AAMP: variants seen among roughly 807,000 people sequenced by gnomAD.
AAMP encodes the protein angio-associated migratory cell protein.
A neutral mutation model predicts 51.1 loss-of-function variants in AAMP; 12 were observed. The observed-to-expected ratio is 0.23, with a 90% CI of 0.15 to 0.38. The LOEUF (loss-of-function observed/expected upper bound fraction) is 0.38. AAMP is among the 10% of genes least tolerant of loss of function. AAMP has a pLI of 1.00. For synonymous variants in AAMP, 210 were observed against 218.7 expected (o/e 0.96, Z 0.35); for missense variants, 418 against 557.2 (o/e 0.75, Z 2.52).
In AAMP at chr2:218,269,530, G is replaced by T. The variant is rs775442037; in HGVS notation, c.126C>A (p.Asp42Glu). 6.2e-7 allele frequency: 1 copy of T among 1,614,148 alleles called. No homozygotes were observed. Reference sequence around the variant, plus strand: ...CCACATCTTCCATCTCCTGGGCCAGGTCATCTGCTTTGGGGAGAGGGTTAG... The same window carrying T: ...CCACATCTTCCATCTCCTGGGCCAGTTCATCTGCTTTGGGGAGAGGGTTAG... Reference protein sequence around the residue: ...ELDPGPPDPDDLAQEMEDVDF... With the variant: ...ELDPGPPDPDELAQEMEDVDF... Residue 42 changes from aspartate (D) to glutamate (E), a missense_variant, in exon 2 of 11, where the codon GAC becomes GAA. Physicochemically the swap from Asp to Glu is conservative, Grantham distance 45 (BLOSUM62 2). Transcript: ENST00000248450.
At position 218,265,206 on chromosome 2, in the gene AAMP, G is replaced by A. The variant is rs1246136724; in HGVS notation, c.1075-32C>T. ...CGAGGAATGACAGAGGCAGGGCGGA[G>A]GTTGGCAGGAGAGCTGAGAGCCATC... On this transcript the variant is annotated intron_variant, in intron 9 of 10. Transcript: ENST00000248450. This position sits in a 1 kb window ranked among gnomAD's most constrained non-coding sequence, Gnocchi z 6.6. The A allele has an allele frequency of 6.4e-7, 1 of 1,570,012 alleles. No individual in the cohort carries two copies. The highest frequency in any genetic ancestry group is 1.8e-5 in the Admixed American group (1 of 56,218).
chr2:218,269,763 G>A (rs1574613509), intron 1 of AAMP: 2 of 1,004,268 alleles, frequency 2.0e-6, no homozygotes, highest in Non-Finnish European at 2.9e-6. Context: ...GGTGTGTGAG[G>A]GGAAGGGCCA....
chr2:218,266,999 G>T lies in AAMP; in HGVS notation c.395-13C>A. 1 of 1,611,736 alleles carries T rather than the reference G, an allele frequency of 6.2e-7. No individual in the cohort carries two copies. Among genetic ancestry groups the T allele is most frequent in the Non-Finnish European group, 8.5e-7 (1 of 1,178,032 alleles). ...GAGTCTTTATGGCCTTCAAAGAAAA[G>T]TGGGCAGAAAACAGAGGAAAAAAAT... On this transcript the variant is annotated splice_polypyrimidine_tract_variant and intron_variant, in intron 3 of 10. Transcript: ENST00000248450. This position sits in a 1 kb window ranked among gnomAD's most constrained non-coding sequence, Gnocchi z 4.7.
At chr2:218,268,827 G>A (rs1690704942) in intron 2 of AAMP, among the ~76,000 whole-genome samples, 2 of 151,232 alleles carry the variant, frequency 1.3e-5, no homozygotes, top group African/African-American at 2.4e-5. Flanking sequence ...ACCTCCCGAG[G>A]AGCTGGGACT....
intron 2 of AAMP, among the ~76,000 whole-genome samples, chr2:218,268,076 C>A (rs1295619342): frequency 3.9e-5 from 6 of 151,958 alleles, no homozygotes; most frequent in Non-Finnish European, 5.9e-5. Context: ...TCAAGCAATT[C>A]TCCTGCCTCA....
chr2:218,269,021 C>G (rs144728691), intron 2 of AAMP, among the ~76,000 whole-genome samples: 1 of 151,524 alleles, frequency 6.6e-6, no homozygotes, highest in Non-Finnish European at 1.5e-5. Context: ...TTAGTAGAGA[C>G]TGGGTTTTGC....
At position 218,265,691 on chromosome 2, in the gene AAMP, C is replaced by T; in HGVS notation, c.880-9G>A. On this transcript the variant is annotated splice_polypyrimidine_tract_variant and intron_variant, in intron 7 of 10. Transcript: ENST00000248450. This position sits in a 1 kb window ranked among gnomAD's most constrained non-coding sequence, Gnocchi z 6.6. ...CTAAAAACACCCACCACCTGAAAGCCAGAGAGGATCAGAGGAGGACACGGA... is the reference window on the plus strand; with the variant it reads ...CTAAAAACACCCACCACCTGAAAGCTAGAGAGGATCAGAGGAGGACACGGA... 1 of 1,610,580 alleles carries T rather than the reference C, an allele frequency of 6.2e-7. No individual in the cohort carries two copies. Among genetic ancestry groups the T allele is most frequent in the Non-Finnish European group, 8.5e-7 (1 of 1,178,630 alleles).
chr2:218,267,445 C>A lies in AAMP; in HGVS notation c.394+49G>T, dbSNP rs775923406. On this transcript the variant is annotated intron_variant, in intron 3 of 10. Coordinates refer to ENST00000248450, the MANE Select transcript of AAMP (RefSeq NM_001087.5). The surrounding 1 kb of genome is among the most constrained non-coding windows in gnomAD (Gnocchi z 4.6). ...CCTCTGCAGGTCAGCCTCCTAAGAT[C>A]TCCCAAAAGAATATGACCTCTCCCA... 5.0e-6 allele frequency: 8 copies of A among 1,605,350 alleles called. No individual in the cohort carries two copies. In the Admixed American group the frequency reaches 1.3e-4, roughly 27 times the overall value.
rs948836330 is a variant in AAMP, at chr2:218,265,052, G to A, written c.1197C>T (p.His399=). 3.1e-6 allele frequency: 5 copies of A among 1,613,922 alleles called. No individual in the cohort carries two copies. The East Asian group carries it at 8.9e-5, about 29-fold the overall frequency. Residue 399 remains histidine (H), a synonymous_variant, in exon 10 of 11, where the codon CAC becomes CAT. Transcript: ENST00000248450. The surrounding 1 kb of genome is among the most constrained non-coding windows in gnomAD (Gnocchi z 6.6). ...GGGCAAAGTCCAGGATCTCAGCCGTGTGGCCCCGGTAGTCAGTAAGCAGGC... is the reference window on the plus strand; with the variant it reads ...GGGCAAAGTCCAGGATCTCAGCCGTATGGCCCCGGTAGTCAGTAAGCAGGC... ...TGRLLTDYRG[H]TAEILDFALS...
At position 218,267,383 on chromosome 2, in the gene AAMP, CAA is replaced by C. The variant is rs1405190452; in HGVS notation, c.394+109_394+110del. 1.3e-6 allele frequency: 2 copies of C among 1,500,622 alleles called. No homozygotes were observed. The highest frequency in any genetic ancestry group is 2.3e-5 in the East Asian group (1 of 44,036). 93.0% of individuals were successfully genotyped at this position (1,500,622 alleles called of 1,614,324 possible). A position where few individuals can be genotyped will look rare whatever the true frequency, so the allele number is the denominator to read the frequency against. On this transcript the variant is annotated intron_variant, in intron 3 of 10. Transcript: ENST00000248450. This position sits in a 1 kb window ranked among gnomAD's most constrained non-coding sequence, Gnocchi z 4.6. ...CCTGGGGCCCAGCACAGAGCTGGCA[CAA>C]AAGAGATGTCACTAAGTGGCTGTTG... is the stretch of plus-strand genomic sequence containing the variant.
Position 218,265,482 on chromosome 2 carries a change from T to G in AAMP, c.984-21A>C. On this transcript the variant is annotated intron_variant, in intron 8 of 10. Coordinates refer to ENST00000248450, the MANE Select transcript of AAMP (RefSeq NM_001087.5). This position sits in a 1 kb window ranked among gnomAD's most constrained non-coding sequence, Gnocchi z 6.6. ...GCATCCTGGCCAGAGGAGCGTACCA[T>G]GAAGACTCATGAGGGCCTGGACTCA... 5 of 1,575,216 alleles carry G rather than the reference T, an allele frequency of 3.2e-6. No homozygotes were observed. Among genetic ancestry groups the G allele is most frequent in the Non-Finnish European group, 4.3e-6 (5 of 1,153,966 alleles).
At position 218,267,274 on chromosome 2, in the gene AAMP, C is replaced by A. The variant is rs1690657288; in HGVS notation, c.394+220G>T. The A allele has an allele frequency of 8.3e-6, 6 of 720,556 alleles. No individual in the cohort carries two copies. Among genetic ancestry groups the A allele is most frequent in the Non-Finnish European group, 1.4e-5 (6 of 442,790 alleles). 44.6% of individuals were successfully genotyped at this position (720,556 alleles called of 1,614,324 possible). On this transcript the variant is annotated intron_variant, in intron 3 of 10. Transcript: ENST00000248450. The surrounding 1 kb of genome is among the most constrained non-coding windows in gnomAD (Gnocchi z 4.6). ...CCGCCTGCTCCTATACCAATGTGGC[C>A]TTCTCTGGCCTTTCCTGGATTCCCT...
rs751386015 is a variant in AAMP, at chr2:218,265,771, A to C, written c.879+60T>G. On this transcript the variant is annotated intron_variant, in intron 7 of 10. Transcript: ENST00000248450. The surrounding 1 kb of genome is among the most constrained non-coding windows in gnomAD (Gnocchi z 6.6). ...TGGGGAGAGGAGACAGTGAAGACCC[A>C]GGAAGGAAGGAGAGGAGTCGGGAAA... 650 of 1,575,636 alleles carry C rather than the reference A, an allele frequency of 4.1e-4. No individual in the cohort carries two copies. Among genetic ancestry groups the C allele is most frequent in the Non-Finnish European group, 5.4e-4 (622 of 1,149,046 alleles).
Position 218,264,488 on chromosome 2 carries a change from C to G in AAMP, c.*45G>C. ...CTGCTGGCAGACAGGGGCAGGGGTC[C>G]CTTCGTCCCCTCAACACCAGACACA... On this transcript the variant is annotated 3_prime_UTR_variant, in exon 11 of 11. Coordinates refer to ENST00000248450, the MANE Select transcript of AAMP (RefSeq NM_001087.5). 5 of 1,576,416 alleles carry G rather than the reference C, an allele frequency of 3.2e-6. No individual in the cohort carries two copies. Among genetic ancestry groups the G allele is most frequent in the East Asian group, 2.2e-5 (1 of 44,654 alleles).
intron 1 of AAMP, 47 bp downstream of exon 1, chr2:218,269,919 G>T (rs762351053): frequency 6.2e-7 from 1 of 1,612,692 alleles, no homozygotes; most frequent in African/African-American, 1.3e-5. Flanking sequence ...TCAGAGGCCA[G>T]GGGTGAGCGT....
Position 218,266,415 on chromosome 2 carries a change from AAAGGTCACTC to A in AAMP, c.679+18_679+27del. On this transcript the variant is annotated intron_variant, in intron 5 of 10. Coordinates refer to ENST00000248450, the MANE Select transcript of AAMP (RefSeq NM_001087.5). The surrounding 1 kb of genome is among the most constrained non-coding windows in gnomAD (Gnocchi z 4.7). ...CCGGGATTCGGCCTCTGCACCCAGG[AAAGGTCACTC>A]AAGGGAGGTGCTCTCACCATCAGGG... The A allele has an allele frequency of 6.2e-7, 1 of 1,608,786 alleles. No homozygotes were observed. Among genetic ancestry groups the A allele is most frequent in the Non-Finnish European group, 8.5e-7 (1 of 1,176,158 alleles).
chr2:218,265,730 A>T lies in AAMP; in HGVS notation c.880-48T>A, dbSNP rs1291191010. ...GGAGGACACGGAATCCGGGTGCTTG[A>T]TGGAGAGAAAGACGGTGGGGAGAGG... On this transcript the variant is annotated intron_variant, in intron 7 of 10. Coordinates refer to ENST00000248450, the MANE Select transcript of AAMP (RefSeq NM_001087.5). This position sits in a 1 kb window ranked among gnomAD's most constrained non-coding sequence, Gnocchi z 6.6. 4 of 1,592,090 alleles carry T rather than the reference A, an allele frequency of 2.5e-6. No individual in the cohort carries two copies. The African/African-American group carries it at 5.4e-5, about 21-fold the overall frequency.
rs1690566620 is a variant in AAMP at position 218,264,395 on chromosome 2, A to T, written c.*138T>A. 1 of 805,864 alleles carries T rather than the reference A, an allele frequency of 1.2e-6. No individual in the cohort carries two copies. Among genetic ancestry groups the T allele is most frequent in the African/African-American group, 1.7e-5 (1 of 58,746 alleles). The allele number at this position is 805,864 out of a possible 1,614,324, so 49.9% of individuals were successfully genotyped here. ...AAGAGAAGAAAAGGAGAGGGGAGCA[A>T]GTCAGTTGAAGAGGCTGGAAAGTCA... On this transcript the variant is annotated 3_prime_UTR_variant, in exon 11 of 11. Transcript: ENST00000248450.
At position 218,265,480 on chromosome 2, in the gene AAMP, C is replaced by T. The variant is rs777653771; in HGVS notation, c.984-19G>A. On this transcript the variant is annotated intron_variant, in intron 8 of 10. Coordinates refer to ENST00000248450, the MANE Select transcript of AAMP (RefSeq NM_001087.5). The surrounding 1 kb of genome is among the most constrained non-coding windows in gnomAD (Gnocchi z 6.6). ...GGGCATCCTGGCCAGAGGAGCGTAC[C>T]ATGAAGACTCATGAGGGCCTGGACT... is the stretch of plus-strand genomic sequence containing the variant. 55 of 1,571,336 alleles carry T rather than the reference C, an allele frequency of 3.5e-5. No homozygotes were observed. Among genetic ancestry groups the T allele is most frequent in the Non-Finnish European group, 4.6e-5 (53 of 1,151,166 alleles).
Sources: gnomAD v4.1 joint callset for allele counts (sites outside exome capture counted in the v4.1 genomes callset) on GRCh38, gnomAD v4.1.1 for gene constraint, Gnocchi (gnomAD v3.1) non-coding constraint, MANE v1.5 for transcripts, NCBI Gene and HGNC (gene_info 2026-07-23, HGNC 2026-07-21) for gene names.